The following TMC1 variants were observed in gnomAD, a reference collection of about 807,000 sequenced individuals.
The protein encoded by TMC1 is transmembrane channel-like protein 1.
TMC1 carries 84 observed loss-of-function variants against 105.8 expected under a neutral mutation model. That is an observed-to-expected ratio of 0.79 (90% CI 0.67 to 0.95). The LOEUF is 0.95. TMC1 is among the 40% of genes least tolerant of loss of function. The pLI, the probability that TMC1 is intolerant of heterozygous loss-of-function variation, is 0.00. For missense variants in TMC1, 817 were observed against 914.1 expected (o/e 0.89, Z 1.37); for synonymous variants, 315 against 311.5 (o/e 1.01, Z -0.12).
rs1485316323 is a variant in TMC1, at chr9:72,619,976, A to G, written c.-196+3499A>G. The stretch of plus-strand genomic sequence containing the variant: ...CAGCCTCCTGAGCAGCTGGGACTAC[A>G]GGCATGTGCCACCATGCCCAGCTAA... On this transcript the variant is annotated intron_variant, in intron 3 of 23. Transcript: ENST00000297784. Among the ~76,000 whole-genome samples, 10 of 152,080 alleles carry G rather than the reference A, an allele frequency of 6.6e-5. No individual in the cohort carries two copies. In the East Asian group the frequency reaches 1.9e-3, roughly 29 times the overall value.
intron 1 of TMC1, among the ~76,000 whole-genome samples, chr9:72,541,237 T>G (rs1032654000): frequency 2.0e-5 from 3 of 152,226 alleles, no homozygotes; most frequent in Admixed American, 1.3e-4. Flanking sequence ...GTGTTATCAC[T>G]TAATCAATTC....
intron 8 of TMC1, among the ~76,000 whole-genome samples, chr9:72,704,242 A>G (rs1190563012): frequency 1.3e-5 from 2 of 152,198 alleles, no homozygotes; most frequent in African/African-American, 4.8e-5. Context: ...TACTAAGCTC[A>G]GTGTAACTGA....
intron 5 of TMC1, among the ~76,000 whole-genome samples, chr9:72,674,832 T>A (rs1826177113): frequency 6.6e-6 from 1 of 152,144 alleles, no homozygotes; most frequent in Admixed American, 6.6e-5. Context: ...GTCCATGGAA[T>A]CCATTAAAAT....
intron 1 of TMC1, among the ~76,000 whole-genome samples, chr9:72,531,666 C>G (rs1398017235): frequency 6.6e-6 from 1 of 152,202 alleles, no homozygotes; most frequent in Non-Finnish European, 1.5e-5. Flanking sequence ...TACTGTTAAT[C>G]CGTATTACTC....
At chr9:72,798,408 GA>G (rs1369152741) in intron 17 of TMC1, among the ~76,000 whole-genome samples, 1 of 151,950 alleles carries the variant, frequency 6.6e-6, no homozygotes, top group Non-Finnish European at 1.5e-5. Context: ...ACAGGCATGT[GA>G]ATGTTCATTG....
chr9:72,746,035 A>C (rs897461136), intron 10 of TMC1, among the ~76,000 whole-genome samples: 3 of 152,238 alleles, frequency 2.0e-5, no homozygotes, highest in African/African-American at 7.2e-5. Context: ...AATGCAAAAC[A>C]GATTTATACT....
At chr9:72,835,915 GTTTTTTT>G in intron 23 of TMC1, 29 bp from the exon 24 acceptor site, 4 of 1,314,588 alleles carry the variant, frequency 3.0e-6, no homozygotes, top group South Asian at 1.4e-5. Context: ...CTCTCTCCTT[GTTTTTTT>G]TTTTTTTTTT....
At chr9:72,722,156 G>A (rs1248729419) in intron 8 of TMC1, among the ~76,000 whole-genome samples, 1 of 152,068 alleles carries the variant, frequency 6.6e-6, no homozygotes, top group East Asian at 1.9e-4. Context: ...TGAAAACAAA[G>A]TTATCCCCAT....
intron 3 of TMC1, among the ~76,000 whole-genome samples, chr9:72,621,023 C>A (rs1825239559): frequency 1.3e-5 from 2 of 152,104 alleles, no homozygotes; most frequent in Admixed American, 1.3e-4. Context: ...ACCAAGTGAG[C>A]CACTTAGAAG....
At chr9:72,772,286 G>C in intron 12 of TMC1, 127 bp from the exon 13 acceptor site, 2 of 1,138,516 alleles carry the variant, frequency 1.8e-6, no homozygotes, top group South Asian at 2.5e-5. Context: ...AAACAATAGG[G>C]CTCATGTCAG....
At chr9:72,549,264 T>C (rs1823820310) in intron 1 of TMC1, among the ~76,000 whole-genome samples, 1 of 152,110 alleles carries the variant, frequency 6.6e-6, no homozygotes, top group African/African-American at 2.4e-5. Flanking sequence ...ATTCATTAAT[T>C]TTTTTGTGTG....
chr9:72,557,521 A>G (rs2132076309), intron 1 of TMC1, among the ~76,000 whole-genome samples: 1 of 152,382 alleles, frequency 6.6e-6, no homozygotes, highest in Non-Finnish European at 1.5e-5. Context: ...ATCATTAAAC[A>G]AAGAAATGAC....
intron 20 of TMC1, 56 bp downstream of exon 20, chr9:72,821,137 G>T (rs1256767557): frequency 6.2e-7 from 1 of 1,612,154 alleles, no homozygotes; most frequent in Non-Finnish European, 8.5e-7. Flanking sequence ...GGTGGAGGTG[G>T]GAATGGTCAT....
Position 72,546,714 on chromosome 9 carries a change from C to T in TMC1, c.-428+24801C>T, listed in dbSNP as rs542428260. 1.6e-4 allele frequency among the ~76,000 whole-genome samples: 24 copies of T among 152,328 alleles called. 1 individual carries two copies. The highest frequency in any genetic ancestry group is 1.4e-3 in the Admixed American group (22 of 15,298). On this transcript the variant is annotated intron_variant, in intron 1 of 23. Transcript: ENST00000297784. ...GCACATTTTTCAAAGCTGTTTCTAT[C>T]TCTTTGGAAGTTTGTGTCTGATTAA... is the stretch of plus-strand genomic sequence containing the variant.
At chr9:72,630,341 A>T (rs1396131522) in intron 4 of TMC1, among the ~76,000 whole-genome samples, 1 of 152,262 alleles carries the variant, frequency 6.6e-6, no homozygotes, top group Non-Finnish European at 1.5e-5. Flanking sequence ...GGTAAGAACA[A>T]GATGCGATAA....
rs1827811409 is a variant in TMC1, at chr9:72,765,266, A to G, written c.742-7147A>G. On this transcript the variant is annotated intron_variant, in intron 12 of 23. Transcript: ENST00000297784. The stretch of plus-strand genomic sequence containing the variant: ...TCCCAGTTTACCAACAGAAATCACT[A>G]TGCCTTTCCTGGTGTGCAGTGAGTA... 3.3e-5 allele frequency among the ~76,000 whole-genome samples: 5 copies of G among 152,066 alleles called. No individual in the cohort carries two copies. The South Asian group carries it at 8.3e-4, about 25-fold the overall frequency.
At chr9:72,740,082 C>T in intron 8 of TMC1, 37 bp from the exon 9 acceptor site, 1 of 1,532,718 alleles carries the variant, frequency 6.5e-7, no homozygotes, top group Non-Finnish European at 9.0e-7. Flanking sequence ...TTGCAACTCA[C>T]CTCCTTTTAT....
chr9:72,675,643 A>T (rs1826191029), intron 5 of TMC1, among the ~76,000 whole-genome samples: 1 of 152,124 alleles, frequency 6.6e-6, no homozygotes, highest in Non-Finnish European at 1.5e-5. Context: ...CTGGCATTTA[A>T]TGAAGATGAA....
chr9:72,556,722 C>T lies in TMC1; in HGVS notation c.-427-21180C>T, dbSNP rs568552017. On this transcript the variant is annotated intron_variant, in intron 1 of 23. Transcript: ENST00000297784. ...CTGTAATCCCAGCTACTCGGGAGGC[C>T]GAAGCAGGAGAATCACTTGAACCTG... Among the ~76,000 whole-genome samples the T allele has an allele frequency of 1.3e-3, 190 of 151,748 alleles. 1 individual carries two copies. The highest frequency in any genetic ancestry group is 4.4e-3 in the African/African-American group (183 of 41,452).
Sources: gnomAD v4.1 joint callset for allele counts (sites outside exome capture counted in the v4.1 genomes callset) on GRCh38, gnomAD v4.1.1 for gene constraint, MANE v1.5 for transcripts, NCBI Gene and HGNC (gene_info 2026-07-23, HGNC 2026-07-21) for gene names.